The following UBE2F variants were observed in gnomAD, a reference collection of about 807,000 sequenced individuals.
UBE2F encodes NEDD8-conjugating enzyme UBE2F.
In UBE2F, 5 loss-of-function variants were observed where a neutral mutation model predicts 29.6. That is an observed-to-expected ratio of 0.17 (90% CI 0.09 to 0.36). UBE2F has a LOEUF of 0.36. UBE2F is among the 10% of genes least tolerant of loss of function. UBE2F has a pLI of 1.00. For missense variants in UBE2F, 141 were observed against 228.5 expected, an observed-to-expected ratio of 0.62 and a Z score of 2.47; for synonymous variants, 66 against 81.8, an observed-to-expected ratio of 0.81 and a Z score of 1.04.
At chr2:238,041,165 A>G (rs960916342) in intron 9 of UBE2F, 123 bp from the exon 10 acceptor site, 14 of 898,822 alleles carry the variant, frequency 1.6e-5, no homozygotes, top group Non-Finnish European at 2.3e-5. Flanking sequence ...CAGTCCTTCT[A>G]CCACCTTGGC....
At chr2:237,998,109 A>G (rs2063724725) in intron 4 of UBE2F, among the ~76,000 whole-genome samples, 1 of 152,206 alleles carries the variant, frequency 6.6e-6, no homozygotes, top group South Asian at 2.1e-4. Flanking sequence ...TTAAGTAACA[A>G]TGACAATTTT....
chr2:238,041,258 C>G, intron 9 of UBE2F, 30 bp from the exon 10 acceptor site: 1 of 1,610,738 alleles, frequency 6.2e-7, no homozygotes, highest in Non-Finnish European at 8.5e-7. Context: ...TCCTGTTCTT[C>G]TTTCTGTCCC....
rs531240952 is a variant in UBE2F, at chr2:238,037,763, A to G, written c.507+1823A>G. Among the ~76,000 whole-genome samples the G allele has an allele frequency of 5.3e-5, 8 of 152,234 alleles. 1 individual carries two copies. In the South Asian group the frequency reaches 1.7e-3, roughly 32 times the overall value. The stretch of plus-strand genomic sequence containing the variant: ...TGGGACTGTGGGCATGCGCCACCAC[A>G]CTGGGCTAATTTTTGTATTCTTAGT... On this transcript the variant is annotated intron_variant, in intron 9 of 9. Transcript: ENST00000272930.
At chr2:238,037,842 CA>C (rs2064751775) in intron 9 of UBE2F, among the ~76,000 whole-genome samples, 1 of 152,202 alleles carries the variant, frequency 6.6e-6, no homozygotes, top group South Asian at 2.1e-4. Context: ...CTCCTGGCCT[CA>C]AGCAACCCAC....
chr2:237,999,147 A>C (rs1472343551), intron 4 of UBE2F, among the ~76,000 whole-genome samples: 5 of 115,524 alleles, frequency 4.3e-5, no homozygotes, highest in Admixed American at 1.9e-4. Flanking sequence ...CAGTGGTGCA[A>C]CTTCACCTCA....
chr2:237,988,052 TA>T, intron 3 of UBE2F, 60 bp downstream of exon 3: 1 of 970,560 alleles, frequency 1.0e-6, no homozygotes, highest in Non-Finnish European at 1.5e-6. Context: ...GAAAACTTTT[TA>T]TGTTTTAATA....
intron 6 of UBE2F, among the ~76,000 whole-genome samples, chr2:238,027,830 G>A (rs1394450998): frequency 6.6e-6 from 1 of 152,174 alleles, no homozygotes; most frequent in African/African-American, 2.4e-5. Context: ...GGGTGCCTGG[G>A]GCTCCACAGG....
chr2:237,995,025 G>T (rs2063662609), intron 4 of UBE2F, among the ~76,000 whole-genome samples: 1 of 152,238 alleles, frequency 6.6e-6, no homozygotes, highest in South Asian at 2.1e-4. Context: ...CAATAATGAT[G>T]TATAAATATA....
chr2:238,021,941 A>G (rs2064304042), intron 5 of UBE2F, among the ~76,000 whole-genome samples: 1 of 152,140 alleles, frequency 6.6e-6, no homozygotes, highest in African/African-American at 2.4e-5. Flanking sequence ...ACATGGCATT[A>G]TGGGTATTGA....
chr2:237,998,142 A>T (rs7560088), intron 4 of UBE2F, among the ~76,000 whole-genome samples: 2,598 of 152,316 alleles, frequency 0.017, 71 homozygotes, highest in African/African-American at 0.06. Flanking sequence ...TAAAAATTTT[A>T]TAATCAGTTT....
At chr2:238,020,910 A>G (rs903991597) in intron 5 of UBE2F, among the ~76,000 whole-genome samples, 1 of 152,150 alleles carries the variant, frequency 6.6e-6, no homozygotes, top group Non-Finnish European at 1.5e-5. Context: ...TGACATGACA[A>G]TGAGGAGCCC....
intron 4 of UBE2F, among the ~76,000 whole-genome samples, chr2:238,014,783 C>T (rs1328953987): frequency 6.6e-6 from 1 of 152,168 alleles, no homozygotes; most frequent in Middle Eastern, 3.2e-3. Flanking sequence ...TGTAAGACAC[C>T]AACATCCACA....
At chr2:238,037,887 G>C (rs1000234342) in intron 9 of UBE2F, among the ~76,000 whole-genome samples, 1 of 152,136 alleles carries the variant, frequency 6.6e-6, no homozygotes, top group Non-Finnish European at 1.5e-5. Context: ...TACTGCACCC[G>C]ACCTGATGTA....
At chr2:238,005,580 T>C (rs1464669635) in intron 4 of UBE2F, among the ~76,000 whole-genome samples, 2 of 148,798 alleles carry the variant, frequency 1.3e-5, no homozygotes, top group Non-Finnish European at 3.0e-5. Context: ...TCACATATTA[T>C]ACAAGAGAAG....
chr2:238,003,089 GAC>G (rs1186857232), intron 4 of UBE2F, among the ~76,000 whole-genome samples: 8 of 152,066 alleles, frequency 5.3e-5, no homozygotes, highest in Non-Finnish European at 1.2e-4. Context: ...AAAGGTTTCA[GAC>G]ACATAAAATT....
rs1160667463 is a variant in UBE2F at position 237,994,820 on chromosome 2, T to G, written c.214+11T>G. On this transcript the variant is annotated intron_variant, in intron 4 of 9. Transcript: ENST00000272930. ...TAACAGTAACCCCAGGTAATATTCT[T>G]ACATAAGTATTAAAGTGATTTCAAA... The G allele has an allele frequency of 1.2e-6, 2 of 1,610,506 alleles. No homozygotes were observed. Among genetic ancestry groups the G allele is most frequent in the South Asian group, 2.2e-5 (2 of 90,988 alleles).
chr2:238,009,225 C>T (rs1392895969), intron 4 of UBE2F, among the ~76,000 whole-genome samples: 2 of 152,154 alleles, frequency 1.3e-5, no homozygotes, highest in African/African-American at 4.8e-5. Context: ...TTTTATCACA[C>T]TTGGGGTTTA....
intron 4 of UBE2F, among the ~76,000 whole-genome samples, chr2:238,007,067 A>C (rs551048973): frequency 1.3e-5 from 2 of 148,606 alleles, no homozygotes; most frequent in East Asian, 4.1e-4. Context: ...GCTTGTTTCT[A>C]ATCTTAGGGG....
At chr2:238,017,357 C>G (rs2064180755) in intron 5 of UBE2F, among the ~76,000 whole-genome samples, 1 of 152,132 alleles carries the variant, frequency 6.6e-6, no homozygotes, top group Non-Finnish European at 1.5e-5. Context: ...GGAGGGTATT[C>G]TAGGTGACAT....
Sources: allele counts gnomAD v4.1 joint callset (sites outside exome capture counted in the v4.1 genomes callset), GRCh38; gene constraint gnomAD v4.1.1; transcripts MANE v1.5; gene names NCBI Gene and HGNC (gene_info 2026-07-23, HGNC 2026-07-21).